The following COBL variants were observed in gnomAD, a reference collection of about 807,000 sequenced individuals.
COBL encodes the protein protein cordon-bleu.
In COBL, 51 loss-of-function variants were observed where a neutral mutation model predicts 98.8. That is an observed-to-expected ratio of 0.52 (90% CI 0.41 to 0.65). The LOEUF is 0.65. COBL is among the 30% of genes least tolerant of loss of function. COBL has a pLI of 0.00. For missense variants in COBL, 1,617 were observed against 1,617.5 expected, an observed-to-expected ratio of 1.00 and a Z score of 0.01; for synonymous variants, 634 against 651.7, an observed-to-expected ratio of 0.97 and a Z score of 0.41.
In COBL at chr7:51,291,129, C is replaced by T. The variant is rs773477479; in HGVS notation, c.41+25464G>A. ...CCCTGTTAGAGCCAGCAAGCCATCGCGAGGCAGCGAAGAAAGACTGAGGGG... is the reference window on the plus strand; with the variant it reads ...CCCTGTTAGAGCCAGCAAGCCATCGTGAGGCAGCGAAGAAAGACTGAGGGG... On this transcript the variant is annotated intron_variant, in intron 1 of 12. Coordinates refer to ENST00000265136, the MANE Select transcript of COBL (RefSeq NM_015198.5). 5.9e-5 allele frequency among the ~76,000 whole-genome samples: 9 copies of T among 152,234 alleles called. No homozygotes were observed. In the South Asian group the frequency reaches 6.2e-4, roughly 11 times the overall value.
chr7:51,139,657 A>G (rs1029979439), intron 5 of COBL, among the ~76,000 whole-genome samples: 1 of 151,970 alleles, frequency 6.6e-6, no homozygotes, highest in African/African-American at 2.4e-5. Context: ...GAAGCCAAAA[A>G]CTTTATGTTG....
chr7:51,222,627 T>C (rs1450503628), intron 1 of COBL, among the ~76,000 whole-genome samples: 1 of 152,010 alleles, frequency 6.6e-6, no homozygotes, highest in Non-Finnish European at 1.5e-5. Context: ...GAGAAACAGC[T>C]TATGGATTCT....
Position 51,191,057 on chromosome 7 carries a change from T to G in COBL, c.478A>C (p.Asn160His), listed in dbSNP as rs149068964. 357 of 1,613,974 alleles carry G rather than the reference T, an allele frequency of 2.2e-4. No individual in the cohort carries two copies. The highest frequency in any genetic ancestry group is 4.2e-4 in the Admixed American group (25 of 59,978). The change falls in exon 4 of 13, where the codon AAT becomes CAT. Residue 160 changes from asparagine to histidine, a missense_variant. Asn to His is a moderately conservative substitution (Grantham distance 68). This residue lies in a region of COBL where 238 missense variants were observed against 215.0 expected (regional missense o/e 1.11). Coordinates refer to ENST00000265136, the MANE Select transcript of COBL (RefSeq NM_015198.5). ...VPEKSVRLVV[N>H]YLRTQKAVVR... Reference sequence around the variant, plus strand: ...ACAGCTTTTTGTGTCCGCAGGTAATTCACGACCAAACGCACAGATTTCTGG... The same window carrying G: ...ACAGCTTTTTGTGTCCGCAGGTAATGCACGACCAAACGCACAGATTTCTGG...
intron 1 of COBL, among the ~76,000 whole-genome samples, chr7:51,280,297 T>C (rs1256790256): frequency 6.6e-6 from 1 of 152,132 alleles, no homozygotes; most frequent in African/African-American, 2.4e-5. Flanking sequence ...ATGGGTCCCC[T>C]AATGTTTAAT....
chr7:51,244,337 C>T (rs1423419321), intron 1 of COBL, among the ~76,000 whole-genome samples: 1 of 152,240 alleles, frequency 6.6e-6, no homozygotes, highest in Non-Finnish European at 1.5e-5. Context: ...TGTACACCTG[C>T]TGTCATCCAC....
chr7:51,029,248 A>T lies in COBL; in HGVS notation c.1848T>A (p.Ser616=), dbSNP rs1311424789. The T allele has an allele frequency of 6.2e-7, 1 of 1,613,308 alleles. No individual in the cohort carries two copies. The highest frequency in any genetic ancestry group is 2.2e-5 in the East Asian group (1 of 44,874). ...TTAGATTCCCATCTTTAGAGATGTT[A>T]GATAAGGCCACACGGATTCCTTTTC... ...DVGKGIRVAL[S]NISKDGNLME... Residue 616 remains serine, a synonymous_variant, in exon 10 of 13, where the codon TCT becomes TCA. Transcript: ENST00000265136.
At chr7:51,038,549 A>G (rs1262432449) in intron 8 of COBL, among the ~76,000 whole-genome samples, 1 of 152,218 alleles carries the variant, frequency 6.6e-6, no homozygotes, top group Non-Finnish European at 1.5e-5. Context: ...AAACTAGAAC[A>G]TAGCGAGGTA....
At chr7:51,226,563 T>C (rs1380745671) in intron 1 of COBL, among the ~76,000 whole-genome samples, 2 of 152,012 alleles carry the variant, frequency 1.3e-5, no homozygotes, top group African/African-American at 4.8e-5. Context: ...AGTGACTAAG[T>C]GAGTGAGTAA....
At chr7:51,145,293 G>C (rs1784917164) in intron 5 of COBL, among the ~76,000 whole-genome samples, 1 of 152,160 alleles carries the variant, frequency 6.6e-6, no homozygotes, top group African/African-American at 2.4e-5. Flanking sequence ...TGGGATCATA[G>C]GTGTGAGCCA....
intron 6 of COBL, among the ~76,000 whole-genome samples, chr7:51,134,990 T>G (rs1464974441): frequency 6.6e-6 from 1 of 152,050 alleles, no homozygotes; most frequent in East Asian, 1.9e-4. Context: ...GAGACAGAGT[T>G]TCTCTCTTGT....
chr7:51,201,023 G>A (rs554947551), intron 2 of COBL, among the ~76,000 whole-genome samples: 59 of 152,112 alleles, frequency 3.9e-4, no homozygotes, highest in Admixed American at 2.0e-3. Context: ...GGCAGATCAC[G>A]ATGTCAGGAG....
At chr7:51,237,550 A>C (rs528109541) in intron 1 of COBL, among the ~76,000 whole-genome samples, 3 of 151,636 alleles carry the variant, frequency 2.0e-5, no homozygotes, top group South Asian at 4.2e-4. Flanking sequence ...AAAAAAAAAA[A>C]AAAAAACTTC....
At chr7:51,256,560 T>C (rs909725725) in intron 1 of COBL, among the ~76,000 whole-genome samples, 2 of 152,252 alleles carry the variant, frequency 1.3e-5, no homozygotes, top group African/African-American at 2.4e-5. Flanking sequence ...CCGTGGAAGA[T>C]GCCCTGGGGC....
chr7:51,048,929 G>A (rs1425709445), intron 7 of COBL, among the ~76,000 whole-genome samples: 1 of 152,130 alleles, frequency 6.6e-6, no homozygotes, highest in African/African-American at 2.4e-5. Context: ...GCAGGGTTTG[G>A]CATAAATTCA....
At chr7:51,054,234 C>T (rs563854179) in intron 7 of COBL, among the ~76,000 whole-genome samples, 5 of 152,240 alleles carry the variant, frequency 3.3e-5, no homozygotes, top group South Asian at 2.1e-4. Flanking sequence ...GGAAACTTTT[C>T]GCTTTTTTTT....
chr7:51,077,083 A>C lies in COBL; in HGVS notation c.1096+8083T>G, dbSNP rs187408872. On this transcript the variant is annotated intron_variant, in intron 7 of 12. Transcript: ENST00000265136. ...TCACAATGAAGGTTCAACTGAAATC[A>C]AATGGCGGCAGAAAGCAAGCTGATT... 1.6e-4 allele frequency among the ~76,000 whole-genome samples: 24 copies of C among 152,362 alleles called. No homozygotes were observed. The East Asian group carries it at 4.6e-3, about 29-fold the overall frequency.
intron 7 of COBL, among the ~76,000 whole-genome samples, chr7:51,074,201 T>TTTC: frequency 6.9e-6 from 1 of 145,048 alleles, no homozygotes; most frequent in African/African-American, 2.6e-5. Context: ...ATTTTTTTTT[T>TTTC]TTTTTTTTTT....
rs200209848 is a variant in COBL at position 51,315,368 on chromosome 7, CTT to C, written c.41+1223_41+1224del. 7.4e-3 allele frequency among the ~76,000 whole-genome samples: 1,121 copies of C among 152,214 alleles called. 13 individuals carry two copies. The highest frequency in any genetic ancestry group is 0.025 in the African/African-American group (1,050 of 41,540). ...ACCTTTTCCTGGCATTAAAGGAAAACTTTAAAATTTTAAAAAGAGCCCGACTG... is the reference window on the plus strand; with the variant it reads ...ACCTTTTCCTGGCATTAAAGGAAAACTAAAATTTTAAAAAGAGCCCGACTG... On this transcript the variant is annotated intron_variant, in intron 1 of 12. Coordinates refer to ENST00000265136, the MANE Select transcript of COBL (RefSeq NM_015198.5).
At chr7:51,300,406 C>T (rs141828523) in intron 1 of COBL, among the ~76,000 whole-genome samples, 4 of 152,276 alleles carry the variant, frequency 2.6e-5, no homozygotes, top group African/African-American at 9.6e-5. Context: ...GGTGATCTGC[C>T]TGCCTTAGCC....
Sources: gnomAD v4.1 joint callset for allele counts (sites outside exome capture counted in the v4.1 genomes callset) on GRCh38, gnomAD v4.1.1 for gene constraint, gnomAD v4.1.1 regional missense constraint, MANE v1.5 for transcripts, NCBI Gene and HGNC (gene_info 2026-07-23, HGNC 2026-07-21) for gene names.